SSH2: variants seen among roughly 807,000 people sequenced by gnomAD.
The protein encoded by SSH2 is protein phosphatase Slingshot homolog 2.
SSH2 carries 37 observed loss-of-function variants against 135.2 expected under a neutral mutation model. The ratio of observed to expected loss-of-function variants is 0.27; its 90% CI spans 0.21 to 0.36. The LOEUF is 0.36. SSH2 is among the 10% of genes least tolerant of loss of function. SSH2 has a pLI of 1.00. For synonymous variants in SSH2, 628 were observed against 646.2 expected (o/e 0.97, Z 0.43); for missense variants, 1,408 against 1,765.3 (o/e 0.80, Z 3.63).
At chr17:29,795,347 A>G (rs1048711897) in intron 2 of SSH2, among the ~76,000 whole-genome samples, 3 of 152,234 alleles carry the variant, frequency 2.0e-5, no homozygotes, top group African/African-American at 7.2e-5. Flanking sequence ...TTCATTTCAA[A>G]CATGTCTTTC....
At chr17:29,727,109 A>C (rs1465943018) in intron 3 of SSH2, among the ~76,000 whole-genome samples, 1 of 152,240 alleles carries the variant, frequency 6.6e-6, no homozygotes, top group East Asian at 1.9e-4. Flanking sequence ...TTTTACACAA[A>C]GGACTTCCTT....
At chr17:29,648,584 C>G (rs1482148167) in intron 13 of SSH2, among the ~76,000 whole-genome samples, 1 of 152,198 alleles carries the variant, frequency 6.6e-6, no homozygotes, top group African/African-American at 2.4e-5. Flanking sequence ...ATTCAGCAAA[C>G]ATTTACCAGG....
At chr17:29,889,408 T>G (rs1305364338) in intron 1 of SSH2, among the ~76,000 whole-genome samples, 1 of 152,106 alleles carries the variant, frequency 6.6e-6, no homozygotes, top group African/African-American at 2.4e-5. Flanking sequence ...ATTGCGCCAC[T>G]GCACTCCGGC....
At chr17:29,874,528 G>A (rs145724902) in intron 1 of SSH2, among the ~76,000 whole-genome samples, 1 of 152,192 alleles carries the variant, frequency 6.6e-6, no homozygotes, top group East Asian at 1.9e-4. Flanking sequence ...GTTCTCATGA[G>A]ATCTGATGGT....
chr17:29,723,007 G>A (rs902051755), intron 3 of SSH2, among the ~76,000 whole-genome samples: 4 of 152,126 alleles, frequency 2.6e-5, no homozygotes, highest in Admixed American at 6.5e-5. Context: ...CTTTGCCATC[G>A]GCAATGTCTA....
chr17:29,712,621 T>C (rs2039476521), intron 3 of SSH2, among the ~76,000 whole-genome samples: 1 of 152,098 alleles, frequency 6.6e-6, no homozygotes, highest in Admixed American at 6.6e-5. Context: ...CTGGCCAACA[T>C]GGTGAAACCC....
At chr17:29,834,391 T>C (rs1244478698) in intron 2 of SSH2, among the ~76,000 whole-genome samples, 1 of 152,198 alleles carries the variant, frequency 6.6e-6, no homozygotes, top group African/African-American at 2.4e-5. Flanking sequence ...TTACACATTG[T>C]ATGCCAGTAT....
At chr17:29,925,387 T>C (rs993873967) in intron 1 of SSH2, 18 of 395,088 alleles carry the variant, frequency 4.6e-5, no homozygotes, top group Non-Finnish European at 7.1e-5. Flanking sequence ...TATTGTACAA[T>C]ATGGTTTCTA....
intron 1 of SSH2, among the ~76,000 whole-genome samples, chr17:29,906,474 C>T (rs1225522049): frequency 6.6e-5 from 10 of 152,132 alleles, no homozygotes; most frequent in Non-Finnish European, 1.3e-4. Context: ...ATGACAAAAA[C>T]GCCAAAAGCA....
chr17:29,840,517 C>A (rs190965045), intron 2 of SSH2, among the ~76,000 whole-genome samples: 2 of 152,188 alleles, frequency 1.3e-5, no homozygotes, highest in Non-Finnish European at 1.5e-5. Flanking sequence ...CTTTCAATAG[C>A]CATTTCATGT....
At position 29,626,104 on chromosome 17, in the gene SSH2, C is replaced by A. The variant is rs1208590385; in HGVS notation, c.*4737G>T. ...AGGAAGATTAAGGAAGGAGATGAGA[C>A]CACTCTATATTCTGCTTCAAATGCC... On this transcript the variant is annotated 3_prime_UTR_variant, in exon 16 of 16. Transcript: ENST00000540801. 2 of 152,460 alleles carry A rather than the reference C, an allele frequency of 1.3e-5. No individual in the cohort carries two copies. The highest frequency in any genetic ancestry group is 4.8e-5 in the African/African-American group (2 of 41,384). The allele number at this position is 152,460 out of a possible 1,614,324, so 9.4% of individuals were successfully genotyped here. A position where few individuals can be genotyped will look rare whatever the true frequency, so the allele number is the denominator to read the frequency against.
At chr17:29,743,713 TC>T (rs2040647823) in intron 3 of SSH2, among the ~76,000 whole-genome samples, 1 of 152,156 alleles carries the variant, frequency 6.6e-6, no homozygotes, top group Non-Finnish European at 1.5e-5. Context: ...TAGTTTTTCA[TC>T]TTTACATTAG....
intron 1 of SSH2, among the ~76,000 whole-genome samples, chr17:29,875,492 TCTC>T (rs2066011816): frequency 6.6e-6 from 1 of 152,112 alleles, no homozygotes; most frequent in South Asian, 2.1e-4. Flanking sequence ...TATAGTCTCT[TCTC>T]CACACAGCAT....
chr17:29,821,284 G>T (rs1274533379), intron 2 of SSH2, among the ~76,000 whole-genome samples: 1 of 151,908 alleles, frequency 6.6e-6, no homozygotes, highest in Non-Finnish European at 1.5e-5. Context: ...TTTATGAGGG[G>T]GGTCTCACTC....
intron 1 of SSH2, chr17:29,863,821 T>A (rs2065806247): frequency 6.6e-6 from 1 of 152,228 alleles, no homozygotes; most frequent in South Asian, 2.1e-4. Flanking sequence ...ATGTCTGCAC[T>A]TCTACAGATG....
intron 1 of SSH2, among the ~76,000 whole-genome samples, chr17:29,919,008 C>G (rs979586573): frequency 3.3e-5 from 5 of 151,998 alleles, no homozygotes; most frequent in African/African-American, 1.2e-4. Flanking sequence ...TGACCAATTC[C>G]CACTCACTCT....
At chr17:29,842,985 T>C (rs912034444) in intron 2 of SSH2, among the ~76,000 whole-genome samples, 2 of 152,206 alleles carry the variant, frequency 1.3e-5, no homozygotes, top group Admixed American at 1.3e-4. Flanking sequence ...TTCCCCCCTT[T>C]TTCTATTTGT....
chr17:29,738,550 A>ATTTTCTTTTTTTTT, intron 3 of SSH2, among the ~76,000 whole-genome samples: 1 of 137,372 alleles, frequency 7.3e-6, no homozygotes. Context: ...TTTCTTTTTT[A>ATTTTCTTTTTTTTT]TTTTATTTTA....
At chr17:29,743,931 T>TA (rs1555625566) in intron 3 of SSH2, among the ~76,000 whole-genome samples, 3 of 145,074 alleles carry the variant, frequency 2.1e-5, no homozygotes, top group African/African-American at 7.8e-5. Context: ...TTTTTTTTTT[T>TA]ACAAAACAAA....
Sources: allele counts gnomAD v4.1 joint callset (sites outside exome capture counted in the v4.1 genomes callset), GRCh38; gene constraint gnomAD v4.1.1; transcripts MANE v1.5; gene names NCBI Gene and HGNC (gene_info 2026-07-23, HGNC 2026-07-21).